TTC38: variants seen among roughly 807,000 people sequenced by gnomAD.
TTC38 encodes the protein tetratricopeptide repeat domain 38.
TTC38 carries 64 observed loss-of-function variants against 64.2 expected under a neutral mutation model. That is an observed-to-expected ratio of 1.00 (90% CI 0.81 to 1.23). The LOEUF (loss-of-function observed/expected upper bound fraction) is 1.23. Among genes scored for constraint, TTC38 ranks in the 50% most tolerant of loss-of-function variants. The pLI is 0.00. For missense variants in TTC38, 573 were observed against 615.5 expected (o/e 0.93, Z 0.73); for synonymous variants, 254 against 249.3 (o/e 1.02, Z -0.18).
intron 6 of TTC38, among the ~76,000 whole-genome samples, chr22:46,279,270 G>C (rs2077516087): frequency 6.6e-6 from 1 of 152,164 alleles, no homozygotes; most frequent in Non-Finnish European, 1.5e-5. Flanking sequence ...TCCTCTTCTT[G>C]CAGGAGTGGA....
intron 10 of TTC38, among the ~76,000 whole-genome samples, chr22:46,288,127 G>A (rs2077584498): frequency 6.6e-6 from 1 of 152,184 alleles, no homozygotes; most frequent in South Asian, 2.1e-4. Flanking sequence ...TGGGAAGGCC[G>A]GGGGATCCAA....
chr22:46,285,355 T>C, intron 9 of TTC38, 76 bp downstream of exon 9: 1 of 1,368,484 alleles, frequency 7.3e-7, no homozygotes, highest in East Asian at 2.3e-5. Flanking sequence ...GATTTTTGAG[T>C]TCATCAGGAT....
Position 46,275,983 on chromosome 22 carries a change from G to A in TTC38, c.539+562G>A, listed in dbSNP as rs901124532. 2.0e-5 allele frequency among the ~76,000 whole-genome samples: 3 copies of A among 151,750 alleles called. No homozygotes were observed. Among genetic ancestry groups the A allele is most frequent in the Non-Finnish European group, 4.4e-5 (3 of 67,704 alleles). ...CAGTTCTACCGTGTGCTTGGGAAGAGAAGAAGGCCTGGAATGTGCATGAAC... is the reference window on the plus strand; with the variant it reads ...CAGTTCTACCGTGTGCTTGGGAAGAAAAGAAGGCCTGGAATGTGCATGAAC... On this transcript the variant is annotated intron_variant, in intron 5 of 13. Transcript: ENST00000381031. This position sits in a 1 kb window ranked among gnomAD's most constrained non-coding sequence, Gnocchi z 4.5.
Position 46,287,102 on chromosome 22 carries a change from A to G in TTC38, c.864A>G (p.Ala288=). The G allele has an allele frequency of 6.2e-7, 1 of 1,605,266 alleles. No homozygotes were observed. The highest frequency in any genetic ancestry group is 1.1e-5 in the South Asian group (1 of 90,574). Residue 288 remains alanine, a synonymous_variant, in exon 10 of 14, where the codon GCA becomes GCG. Coordinates refer to ENST00000381031, the MANE Select transcript of TTC38 (RefSeq NM_017931.4). The stretch of plus-strand genomic sequence containing the variant: ...TTCCCAGCCTGCAGGCCAACGATGC[A>G]ATGCTGGACGTGGTGGACAGCTGCT... The part of the protein sequence containing the change: ...HILPSLQAND[A]MLDVVDSCSM...
At position 46,278,674 on chromosome 22, in the gene TTC38, T is replaced by C. The variant is rs1459389097; in HGVS notation, c.615+13T>C. 1.9e-6 allele frequency: 3 copies of C among 1,612,086 alleles called. No homozygotes were observed. Among genetic ancestry groups the C allele is most frequent in the Non-Finnish European group, 2.5e-6 (3 of 1,178,238 alleles). ...ACTCGCCAAAGAGGTAAGTGGGTCCTTCCTAAGGTGCCTGACCCCTCAGGG... is the reference window on the plus strand; with the variant it reads ...ACTCGCCAAAGAGGTAAGTGGGTCCCTCCTAAGGTGCCTGACCCCTCAGGG... On this transcript the variant is annotated intron_variant, in intron 6 of 13. Transcript: ENST00000381031.
rs1475717048 is a variant in TTC38, at chr22:46,293,028, T to C, written c.*144T>C. On this transcript the variant is annotated 3_prime_UTR_variant, in exon 14 of 14. Transcript: ENST00000381031. This position sits in a 1 kb window ranked among gnomAD's most constrained non-coding sequence, Gnocchi z 6.6. ...GGGTGATCTTCAGTTTTACAGGAAGTGGGTCACGGGTTAATTTTAAATGTG... is the reference window on the plus strand; with the variant it reads ...GGGTGATCTTCAGTTTTACAGGAAGCGGGTCACGGGTTAATTTTAAATGTG... The C allele has an allele frequency of 1.6e-6, 1 of 617,042 alleles. No homozygotes were observed. The highest frequency in any genetic ancestry group is 1.8e-5 in the African/African-American group (1 of 54,772). The allele number at this position is 617,042 out of a possible 1,614,324, so 38.2% of individuals were successfully genotyped here.
At chr22:46,289,618 C>T (rs2077598369) in intron 12 of TTC38, 57 bp downstream of exon 12, 2 of 1,534,722 alleles carry the variant, frequency 1.3e-6, no homozygotes, top group East Asian at 2.3e-5. Context: ...AGTCTGGGCG[C>T]CCCGCAGCCC....
intron 6 of TTC38, 152 bp downstream of exon 6, chr22:46,278,813 A>G (rs1432532885): frequency 3.1e-5 from 22 of 710,676 alleles, no homozygotes; most frequent in Middle Eastern, 3.9e-4. Flanking sequence ...TGTTAGTGTG[A>G]GCAGCTGCCG....
At chr22:46,277,042 TACATACAC>T (rs1208377624) in intron 5 of TTC38, among the ~76,000 whole-genome samples, 2,419 of 71,438 alleles carry the variant, frequency 0.034, 75 homozygotes, top group African/African-American at 0.12. Context: ...TACATATATA[TACATACAC>T]ACACACACAC....
At chr22:46,280,125 AG>A (rs1253191605) in intron 6 of TTC38, 1 of 471,180 alleles carries the variant, frequency 2.1e-6, no homozygotes, top group East Asian at 6.9e-5. Context: ...GGGCAGGAAA[AG>A]CAGGCTGTGA....
chr22:46,283,944 A>T, intron 7 of TTC38, 29 bp from the exon 8 acceptor site: 1 of 1,549,146 alleles, frequency 6.5e-7, no homozygotes. Flanking sequence ...CAGACTTTTC[A>T]TAAATTCTCT....
At chr22:46,283,897 A>G in intron 7 of TTC38, 76 bp from the exon 8 acceptor site, 1 of 593,500 alleles carries the variant, frequency 1.7e-6, no homozygotes, top group Non-Finnish European at 2.9e-6. Context: ...TTTCTGCATT[A>G]GCACAAAACA....
chr22:46,288,646 G>C, intron 11 of TTC38, 58 bp downstream of exon 11: 1 of 1,553,624 alleles, frequency 6.4e-7, no homozygotes, highest in South Asian at 1.2e-5. Context: ...GGGTGAGGGG[G>C]TGCTAGGGCC....
chr22:46,291,939 G>A lies in TTC38; in HGVS notation c.1317-852G>A, dbSNP rs753932535. The stretch of plus-strand genomic sequence containing the variant: ...TCATTGCACTCCAGCCTGAGTGACC[G>A]AGGGAGATTCTATCTCAAAAAATTA... On this transcript the variant is annotated intron_variant, in intron 13 of 13. Transcript: ENST00000381031. This position sits in a 1 kb window ranked among gnomAD's most constrained non-coding sequence, Gnocchi z 4.6. 4.6e-5 allele frequency among the ~76,000 whole-genome samples: 7 copies of A among 151,172 alleles called. No individual in the cohort carries two copies. The highest frequency in any genetic ancestry group is 7.4e-5 in the Non-Finnish European group (5 of 68,014).
rs2077492734 is a variant in TTC38 at position 46,276,824 on chromosome 22, A to AATATATATATATATTATATATATAT, written c.539+1417_539+1418insTATATATATATATATATATATATAT. On this transcript the variant is annotated intron_variant, in intron 5 of 13. Coordinates refer to ENST00000381031, the MANE Select transcript of TTC38 (RefSeq NM_017931.4). This position sits in a 1 kb window ranked among gnomAD's most constrained non-coding sequence, Gnocchi z 4.7. ...ATTATATATTAAAATATATATATTA[A>AATATATATATATATTATATATATAT]ATATATATATATATATAAACATATA... 1.1e-4 allele frequency among the ~76,000 whole-genome samples: 15 copies of AATATATATATATATTATATATATAT among 139,552 alleles called. No individual in the cohort carries two copies. Among genetic ancestry groups the AATATATATATATATTATATATATAT allele is most frequent in the African/African-American group, 4.2e-4 (15 of 36,128 alleles). The allele number at this position is 139,552 out of a possible 152,430, so 91.6% of individuals were successfully genotyped here. A position where few individuals can be genotyped will look rare whatever the true frequency, so the allele number is the denominator to read the frequency against.
At chr22:46,268,184 C>T (rs1936804777) in intron 1 of TTC38, 112 bp downstream of exon 1, 3 of 1,242,286 alleles carry the variant, frequency 2.4e-6, no homozygotes, top group East Asian at 5.4e-5. Context: ...GTGGGGTGAG[C>T]CCTGGGCGCA....
In TTC38 at chr22:46,293,065, C is replaced by G. The variant is rs1220519349; in HGVS notation, c.*181C>G. The G allele has an allele frequency of 5.2e-6, 3 of 577,108 alleles. No individual in the cohort carries two copies. Among genetic ancestry groups the G allele is most frequent in the Non-Finnish European group, 9.4e-6 (3 of 317,468 alleles). 35.7% of individuals were successfully genotyped at this position (577,108 alleles called of 1,614,324 possible). A position where few individuals can be genotyped will look rare whatever the true frequency, so the allele number is the denominator to read the frequency against. On this transcript the variant is annotated 3_prime_UTR_variant, in exon 14 of 14. Coordinates refer to ENST00000381031, the MANE Select transcript of TTC38 (RefSeq NM_017931.4). The surrounding 1 kb of genome is among the most constrained non-coding windows in gnomAD (Gnocchi z 6.6). ...TAATTTTAAATGTGATTCCGAATCT[C>G]CTTTCAGTCCTCGAGAAGGGCCAAT...
intron 9 of TTC38, 45 bp downstream of exon 9, chr22:46,285,324 C>T (rs770537980): frequency 6.3e-7 from 1 of 1,598,680 alleles, no homozygotes; most frequent in South Asian, 1.1e-5. Context: ...AGCATTTTGC[C>T]TTTGAGTCTC....
chr22:46,276,094 A>G lies in TTC38; in HGVS notation c.539+673A>G, dbSNP rs1319729620. Among the ~76,000 whole-genome samples, 1 of 151,634 alleles carries G rather than the reference A, an allele frequency of 6.6e-6. No individual in the cohort carries two copies. Among genetic ancestry groups the G allele is most frequent in the East Asian group, 1.9e-4 (1 of 5,206 alleles). On this transcript the variant is annotated intron_variant, in intron 5 of 13. Transcript: ENST00000381031. The surrounding 1 kb of genome is among the most constrained non-coding windows in gnomAD (Gnocchi z 4.7). ...AGGTTCGGACAGGTTAATAAGCTGTATTATTTAGTCAGCACTCTCCAGAGA... is the reference window on the plus strand; with the variant it reads ...AGGTTCGGACAGGTTAATAAGCTGTGTTATTTAGTCAGCACTCTCCAGAGA...
Sources: allele counts gnomAD v4.1 joint callset (sites outside exome capture counted in the v4.1 genomes callset), GRCh38; gene constraint gnomAD v4.1.1; non-coding constraint Gnocchi (gnomAD v3.1); transcripts MANE v1.5; gene names NCBI Gene and HGNC (gene_info 2026-07-23, HGNC 2026-07-21).